GRAMD2A: variants seen among roughly 807,000 people sequenced by gnomAD.
GRAMD2A encodes GRAM domain-containing protein 2A.
Under a neutral mutation model 51.1 loss-of-function variants are expected in GRAMD2A, and 37 were observed. The observed-to-expected ratio is 0.72, with a 90% confidence interval of 0.56 to 0.95. The LOEUF (loss-of-function observed/expected upper bound fraction) is 0.95. Among genes scored for constraint, GRAMD2A ranks in the 40% least tolerant of loss-of-function variants. The pLI is 0.00. For missense variants in GRAMD2A, 414 were observed against 426.9 expected (o/e 0.97, Z 0.27); for synonymous variants, 136 against 157.1 (o/e 0.87, Z 1.01).
chr15:72,172,268 T>G (rs11072350), intron 1 of GRAMD2A, among the ~76,000 whole-genome samples: 95,124 of 151,820 alleles, frequency 0.63, 31,526 homozygotes, highest in Middle Eastern at 0.75. Flanking sequence ...ACAGGAATGC[T>G]CCACCATGCC....
chr15:72,169,208 G>C, intron 2 of GRAMD2A: 1 of 591,760 alleles, frequency 1.7e-6, no homozygotes, highest in East Asian at 2.9e-5. Context: ...GCGGGAGGTA[G>C]AGAGGGGTCG....
intron 1 of GRAMD2A, among the ~76,000 whole-genome samples, chr15:72,185,594 A>T (rs956288174): frequency 5.3e-5 from 8 of 152,270 alleles, no homozygotes; most frequent in South Asian, 2.1e-4. Context: ...GAGCAAGAAA[A>T]TTTTGAAAAA....
chr15:72,169,419 C>T (rs529468140), intron 2 of GRAMD2A: 18 of 500,040 alleles, frequency 3.6e-5, no homozygotes, highest in African/African-American at 1.3e-4. Flanking sequence ...AGACTCACAG[C>T]GCCGGGGCCT....
chr15:72,193,849 T>C (rs1367744208), intron 1 of GRAMD2A, among the ~76,000 whole-genome samples: 4 of 152,148 alleles, frequency 2.6e-5, no homozygotes, highest in African/African-American at 9.7e-5. Context: ...CTAATAAAAA[T>C]GTATAGTAGT....
intron 10 of GRAMD2A, chr15:72,162,639 G>T: frequency 8.2e-6 from 3 of 363,992 alleles, no homozygotes; most frequent in South Asian, 6.3e-5. Context: ...GCTCTGGCCA[G>T]ACAGCCAGAT....
chr15:72,193,973 A>C (rs973278518), intron 1 of GRAMD2A, among the ~76,000 whole-genome samples: 10 of 152,222 alleles, frequency 6.6e-5, no homozygotes, highest in African/African-American at 2.4e-4. Context: ...GGAGGCTGTT[A>C]CTTCTTAATT....
Position 72,166,869 on chromosome 15 carries a change from A to G in GRAMD2A, c.471+125T>C, listed in dbSNP as rs1442272734. 9.6e-6 allele frequency: 9 copies of G among 934,420 alleles called. No individual in the cohort carries two copies. In the African/African-American group the frequency reaches 9.7e-5, roughly 10 times the overall value. 57.9% of individuals were successfully genotyped at this position (934,420 alleles called of 1,614,324 possible). On this transcript the variant is annotated intron_variant, in intron 6 of 11. Transcript: ENST00000309731. The surrounding 1 kb of genome is among the most constrained non-coding windows in gnomAD (Gnocchi z 4.1). Reference sequence around the variant, plus strand: ...TCTTCCAGCTTGTTGTACGGCCTGAAATACCTACTGGAGAGCTGCAGGGTG... The same window carrying G: ...TCTTCCAGCTTGTTGTACGGCCTGAGATACCTACTGGAGAGCTGCAGGGTG...
At position 72,170,171 on chromosome 15, in the gene GRAMD2A, T is replaced by C. The variant is rs1174656448; in HGVS notation, c.42-232A>G. On this transcript the variant is annotated intron_variant, in intron 1 of 11. Transcript: ENST00000309731. This position sits in a 1 kb window ranked among gnomAD's most constrained non-coding sequence, Gnocchi z 4.5. ...CGTCTTTCCCGAAAGCCAGAAGTTC[T>C]GCTTATGCCTAGGCTGGGAGGAAAA... The C allele has an allele frequency of 1.5e-6, 1 of 645,426 alleles. No homozygotes were observed. The highest frequency in any genetic ancestry group is 1.8e-5 in the African/African-American group (1 of 56,070). The allele number at this position is 645,426 out of a possible 1,614,324, so 40.0% of individuals were successfully genotyped here.
At chr15:72,178,848 A>G (rs541083548) in intron 1 of GRAMD2A, among the ~76,000 whole-genome samples, 1 of 152,180 alleles carries the variant, frequency 6.6e-6, no homozygotes, top group African/African-American at 2.4e-5. Context: ...TGCTGGGATT[A>G]CAGTTGTGAG....
At chr15:72,182,375 A>C (rs1340720862) in intron 1 of GRAMD2A, among the ~76,000 whole-genome samples, 1 of 151,574 alleles carries the variant, frequency 6.6e-6, no homozygotes, top group African/African-American at 2.4e-5. Flanking sequence ...AAAAAAAAAA[A>C]AAAAAAAAAA....
chr15:72,197,475 C>T (rs1418505308), intron 1 of GRAMD2A, among the ~76,000 whole-genome samples: 1 of 152,190 alleles, frequency 6.6e-6, no homozygotes, highest in Non-Finnish European at 1.5e-5. Flanking sequence ...GACCGTCCCT[C>T]ATCCCCCAGG....
intron 8 of GRAMD2A, 145 bp downstream of exon 8, chr15:72,165,209 A>C: frequency 1.4e-6 from 1 of 706,742 alleles, no homozygotes. Context: ...TGGCAGGTTT[A>C]AGAGATGCCC....
chr15:72,193,124 C>T (rs1027477662), intron 1 of GRAMD2A, among the ~76,000 whole-genome samples: 3 of 151,138 alleles, frequency 2.0e-5, no homozygotes, highest in Non-Finnish European at 2.9e-5. Flanking sequence ...GACAGTTCGT[C>T]TCAAAAATAA....
chr15:72,177,550 T>C (rs1247013748), intron 1 of GRAMD2A, among the ~76,000 whole-genome samples: 2 of 152,228 alleles, frequency 1.3e-5, no homozygotes, highest in East Asian at 1.9e-4. Flanking sequence ...GAAATATGGA[T>C]AGACCACAAT....
At position 72,160,665 on chromosome 15, in the gene GRAMD2A, G is replaced by C. The variant is rs982524980; in HGVS notation, c.*1344C>G. 1 of 152,192 alleles carries C rather than the reference G, an allele frequency of 6.6e-6. No individual in the cohort carries two copies. The highest frequency in any genetic ancestry group is 1.5e-5 in the Non-Finnish European group (1 of 68,096). 9.4% of individuals were successfully genotyped at this position (152,192 alleles called of 1,614,324 possible). A position where few individuals can be genotyped will look rare whatever the true frequency, so the allele number is the denominator to read the frequency against. On this transcript the variant is annotated 3_prime_UTR_variant, in exon 12 of 12. Transcript: ENST00000309731. ...CCAGCAACTTTCCCTGATACTTCTG[G>C]CCTCCTCACTAAGCCCTTCCAGAAC...
At chr15:72,172,315 G>T (rs537389023) in intron 1 of GRAMD2A, among the ~76,000 whole-genome samples, 16 of 151,780 alleles carry the variant, frequency 1.1e-4, no homozygotes, top group Admixed American at 7.2e-4. Flanking sequence ...GACAGCGGGG[G>T]TCTCACTGTG....
intron 1 of GRAMD2A, among the ~76,000 whole-genome samples, chr15:72,195,078 A>C (rs1035278086): frequency 6.6e-6 from 1 of 152,212 alleles, no homozygotes; most frequent in Non-Finnish European, 1.5e-5. Context: ...TCACTGGCCC[A>C]AATTTTTTCA....
intron 3 of GRAMD2A, 60 bp from the exon 4 acceptor site, chr15:72,168,626 T>A: frequency 7.3e-7 from 1 of 1,373,538 alleles, no homozygotes; most frequent in Non-Finnish European, 1.0e-6. Flanking sequence ...AAAGGGGCCC[T>A]GCTCCAGCCA....
At chr15:72,165,302 A>T in intron 8 of GRAMD2A, 52 bp downstream of exon 8, 1 of 1,556,284 alleles carries the variant, frequency 6.4e-7, no homozygotes. Context: ...GAAGCCTCAG[A>T]GCTCCAGGCA....
Sources: gnomAD v4.1 joint callset for allele counts (sites outside exome capture counted in the v4.1 genomes callset) on GRCh38, gnomAD v4.1.1 for gene constraint, Gnocchi (gnomAD v3.1) non-coding constraint, MANE v1.5 for transcripts, NCBI Gene and HGNC (gene_info 2026-07-23, HGNC 2026-07-21) for gene names.